MCTP1: variants seen among roughly 807,000 people sequenced by gnomAD.
MCTP1 encodes the protein multiple C2 and transmembrane domain containing 1.
In MCTP1, 69 loss-of-function variants were observed where a neutral mutation model predicts 120.6. The observed-to-expected ratio is 0.57, with a 90% CI of 0.47 to 0.70. MCTP1 has a LOEUF of 0.70. MCTP1 is among the 30% of genes least tolerant of loss of function. The probability of loss-of-function intolerance (pLI) is 0.00; values close to 1 mark genes in which losing one functional copy is unlikely to be tolerated. For synonymous variants in MCTP1, 529 were observed against 493.1 expected, an observed-to-expected ratio of 1.07 and a Z score of -0.96; for missense variants, 1,203 against 1,248.8, an observed-to-expected ratio of 0.96 and a Z score of 0.55.
intron 1 of MCTP1, among the ~76,000 whole-genome samples, chr5:95,201,753 C>T (rs1751085149): frequency 6.6e-6 from 1 of 151,970 alleles, no homozygotes; most frequent in Non-Finnish European, 1.5e-5. Flanking sequence ...GATCCATCCG[C>T]CTCGGCCTCC....
At chr5:94,820,308 C>G (rs1785363673) in intron 17 of MCTP1, among the ~76,000 whole-genome samples, 1 of 152,282 alleles carries the variant, frequency 6.6e-6, no homozygotes, top group Admixed American at 6.5e-5. Flanking sequence ...CAGTTAACCA[C>G]TCTGAACAGG....
chr5:95,276,251 ATTTTTTT>A (rs34667866), intron 1 of MCTP1, among the ~76,000 whole-genome samples: 5,858 of 84,792 alleles, frequency 0.069, 205 homozygotes, highest in South Asian at 0.16. Flanking sequence ...CAATATTGGG[ATTTTTTT>A]TTTTTTTTTT....
intron 18 of MCTP1, among the ~76,000 whole-genome samples, chr5:94,795,894 G>T (rs1380244188): frequency 2.0e-5 from 3 of 152,174 alleles, no homozygotes; most frequent in Non-Finnish European, 2.9e-5. Flanking sequence ...AACTTATTCA[G>T]CAAGGATTAC....
chr5:94,847,678 GTGTGTA>G (rs754373540), intron 17 of MCTP1, among the ~76,000 whole-genome samples: 2,913 of 130,316 alleles, frequency 0.022, 37 homozygotes, highest in Non-Finnish European at 0.03. Context: ...GTGTGTGTGT[GTGTGTA>G]TATATATATA....
intron 1 of MCTP1, among the ~76,000 whole-genome samples, chr5:95,146,351 A>C (rs1445068921): frequency 6.6e-6 from 1 of 152,026 alleles, no homozygotes; most frequent in African/African-American, 2.4e-5. Flanking sequence ...GCTTTCATTG[A>C]CATTTTGTAG....
intron 1 of MCTP1, among the ~76,000 whole-genome samples, chr5:95,099,807 T>G (rs1756582871): frequency 6.7e-6 from 1 of 149,304 alleles, no homozygotes; most frequent in African/African-American, 2.5e-5. Context: ...CATGCTGCTA[T>G]AAAGACACAT....
rs115580860 is a variant in MCTP1 at position 94,902,834 on chromosome 5, G to T, written c.1652+6417C>A. 4.3e-3 allele frequency among the ~76,000 whole-genome samples: 649 copies of T among 152,056 alleles called. 6 individuals are homozygous for T. Among genetic ancestry groups the T allele is most frequent in the African/African-American group, 0.015 (606 of 41,490 alleles). On this transcript the variant is annotated intron_variant, in intron 10 of 22. Transcript: ENST00000515393. Reference sequence around the variant, plus strand: ...CTCTCTGGGGAGATTGATTTACCTGGGTATACTTCTGCAAACTTCTATAAT... The same window carrying T: ...CTCTCTGGGGAGATTGATTTACCTGTGTATACTTCTGCAAACTTCTATAAT...
rs1211529200 is a variant in MCTP1 at position 94,912,466 on chromosome 5, A to AAAAAAAAAAAAAAAAAAAAG, written c.1521+339_1521+340insCTTTTTTTTTTTTTTTTTTT. 6.5e-4 allele frequency among the ~76,000 whole-genome samples: 60 copies of AAAAAAAAAAAAAAAAAAAAG among 92,098 alleles called. 19 individuals carry two copies. The highest frequency in any genetic ancestry group is 7.2e-4 in the Non-Finnish European group (31 of 42,804). The allele number at this position is 92,098 out of a possible 152,430, so 60.4% of individuals were successfully genotyped here. A position where few individuals can be genotyped will look rare whatever the true frequency, so the allele number is the denominator to read the frequency against. On this transcript the variant is annotated intron_variant, in intron 9 of 22. Transcript: ENST00000515393. ...AAAAAAAAAAAAAAAAAAAAAAAAA[A>AAAAAAAAAAAAAAAAAAAAG]GCCGCACTCTGAGTACTTTATGTGC... is the stretch of plus-strand genomic sequence containing the variant.
At chr5:94,993,231 C>T (rs1831955696) in intron 2 of MCTP1, among the ~76,000 whole-genome samples, 1 of 152,086 alleles carries the variant, frequency 6.6e-6, no homozygotes, top group East Asian at 1.9e-4. Flanking sequence ...AAATACTAAA[C>T]AACTCAGCAG....
At chr5:94,708,832 T>C in intron 21 of MCTP1, 2 of 422,148 alleles carry the variant, frequency 4.7e-6, no homozygotes, top group Non-Finnish European at 8.7e-6. Flanking sequence ...ATGTGGGAAA[T>C]AAAGGAGCTG....
chr5:95,009,473 T>C (rs995027391), intron 2 of MCTP1, among the ~76,000 whole-genome samples: 1 of 151,836 alleles, frequency 6.6e-6, no homozygotes, highest in Non-Finnish European at 1.5e-5. Context: ...CATCACAATT[T>C]CATAGGGCTG....
chr5:95,049,364 G>C (rs1443354510), intron 1 of MCTP1, among the ~76,000 whole-genome samples: 2 of 152,112 alleles, frequency 1.3e-5, no homozygotes, highest in Non-Finnish European at 2.9e-5. Flanking sequence ...CCACCGTTAA[G>C]AGCAAAGTTT....
intron 2 of MCTP1, among the ~76,000 whole-genome samples, chr5:94,983,401 TAAAAA>T (rs2153600760): frequency 6.6e-6 from 1 of 152,332 alleles, no homozygotes; most frequent in Admixed American, 6.5e-5. Context: ...GTTAGAGGAA[TAAAAA>T]AGTAGCTGAA....
chr5:94,827,046 A>T (rs1787296980), intron 17 of MCTP1, among the ~76,000 whole-genome samples: 1 of 151,906 alleles, frequency 6.6e-6, no homozygotes, highest in Non-Finnish European at 1.5e-5. Context: ...ATTAGCTGAT[A>T]CAGTTTCCTT....
intron 1 of MCTP1, among the ~76,000 whole-genome samples, chr5:95,229,382 T>C (rs762043329): frequency 3.3e-5 from 5 of 152,206 alleles, no homozygotes; most frequent in African/African-American, 4.8e-5. Context: ...TTGGACAGTA[T>C]ATCTACAATT....
In MCTP1 at chr5:95,276,954, A is replaced by AAAC. The variant is rs1562296814; in HGVS notation, c.720+6901_720+6902insGTT. On this transcript the variant is annotated intron_variant, in intron 1 of 22. Coordinates refer to ENST00000515393, the MANE Select transcript of MCTP1 (RefSeq NM_024717.7). ...GCCACAGAGGGAGACTCGGTCTCAAAAAACAAACAAACAAACAAACAAACA... is the reference window on the plus strand; with the variant it reads ...GCCACAGAGGGAGACTCGGTCTCAAAAACAAACAAACAAACAAACAAACAAACA... Among the ~76,000 whole-genome samples the AAAC allele has an allele frequency of 1.4e-4, 21 of 152,044 alleles. No individual in the cohort carries two copies. The South Asian group carries it at 4.4e-3, about 32-fold the overall frequency.
At chr5:95,001,661 T>A (rs956651962) in intron 2 of MCTP1, among the ~76,000 whole-genome samples, 2 of 152,114 alleles carry the variant, frequency 1.3e-5, no homozygotes, top group Non-Finnish European at 2.9e-5. Flanking sequence ...ATTTTGAACT[T>A]GAGAGAGATG....
chr5:95,062,262 A>G (rs1303420361), intron 1 of MCTP1, among the ~76,000 whole-genome samples: 1 of 152,222 alleles, frequency 6.6e-6, no homozygotes, highest in Non-Finnish European at 1.5e-5. Flanking sequence ...AAGAGAATCT[A>G]TGTGCATTCT....
At chr5:95,081,113 G>A (rs1312003640) in intron 1 of MCTP1, among the ~76,000 whole-genome samples, 1 of 151,580 alleles carries the variant, frequency 6.6e-6, no homozygotes, top group Non-Finnish European at 1.5e-5. Context: ...CTAAGAACCT[G>A]GTAACTACTA....
Sources: gnomAD v4.1 joint callset for allele counts (sites outside exome capture counted in the v4.1 genomes callset) on GRCh38, gnomAD v4.1.1 for gene constraint, MANE v1.5 for transcripts, NCBI Gene and HGNC (gene_info 2026-07-23, HGNC 2026-07-21) for gene names.